Variants in CADM2 observed in about 807,000 individuals in gnomAD.
The protein encoded by CADM2 is cell adhesion molecule 2, also known as immunoglobulin superfamily member 4D.
In CADM2, 12 loss-of-function variants were observed where a neutral mutation model predicts 49.8. The observed-to-expected ratio is 0.24, with a 90% CI of 0.15 to 0.39. The LOEUF (loss-of-function observed/expected upper bound fraction) is 0.39, where lower values mean the gene tolerates loss of function less well. Among genes scored for constraint, CADM2 ranks in the 10% least tolerant of loss-of-function variants. The pLI, the probability that CADM2 is intolerant of heterozygous loss-of-function variation, is 1.00. For synonymous variants in CADM2, 214 were observed against 175.4 expected (o/e 1.22, Z -1.74); for missense variants, 378 against 492.3 (o/e 0.77, Z 2.20).
chr3:85,922,741 A>G (rs1577672874), intron 6 of CADM2, among the ~76,000 whole-genome samples: 1 of 152,256 alleles, frequency 6.6e-6, no homozygotes, highest in East Asian at 1.9e-4. Context: ...GAAGAATACA[A>G]TATCTTTATT....
At chr3:85,981,435 G>T (rs1016852743) in intron 8 of CADM2, among the ~76,000 whole-genome samples, 1 of 151,442 alleles carries the variant, frequency 6.6e-6, no homozygotes, top group African/African-American at 2.4e-5. Flanking sequence ...GGGATTTGGT[G>T]TACAAATTAT....
At chr3:84,977,441 A>G (rs1371417484) in intron 1 of CADM2, among the ~76,000 whole-genome samples, 10 of 152,050 alleles carry the variant, frequency 6.6e-5, no homozygotes, top group Non-Finnish European at 5.9e-5. Context: ...TGGGGAATCT[A>G]TCTTACCACA....
intron 8 of CADM2, chr3:86,013,587 A>C: frequency 6.2e-7 from 1 of 1,600,598 alleles, no homozygotes; most frequent in Non-Finnish European, 8.5e-7. Context: ...TCGAGAAGAA[A>C]CTCTCAGGGA....
intron 5 of CADM2, among the ~76,000 whole-genome samples, chr3:85,902,138 T>C (rs369436590): frequency 1.3e-5 from 2 of 152,092 alleles, no homozygotes; most frequent in South Asian, 4.1e-4. Context: ...TTCTCTTGAG[T>C]ATATTCCTGA....
intron 1 of CADM2, among the ~76,000 whole-genome samples, chr3:85,594,424 T>C (rs2063188785): frequency 6.6e-6 from 1 of 151,982 alleles, no homozygotes. Flanking sequence ...AAAATATAAT[T>C]ATATTTTTCA....
At chr3:85,030,096 G>A (rs573314486) in intron 1 of CADM2, among the ~76,000 whole-genome samples, 7 of 152,184 alleles carry the variant, frequency 4.6e-5, no homozygotes, top group South Asian at 4.2e-4. Context: ...GGACGTAATC[G>A]TTTCCAGAAC....
intron 1 of CADM2, among the ~76,000 whole-genome samples, chr3:85,205,092 AC>A (rs2041599719): frequency 6.7e-6 from 1 of 149,252 alleles, no homozygotes. Flanking sequence ...ATCGTGGCTC[AC>A]TGCAGCCTCC....
intron 1 of CADM2, among the ~76,000 whole-genome samples, chr3:85,502,876 C>A (rs1239317898): frequency 6.6e-6 from 1 of 152,062 alleles, no homozygotes; most frequent in Non-Finnish European, 1.5e-5. Flanking sequence ...GAAAGTATTT[C>A]TTCTATTCCC....
intron 3 of CADM2, 86 bp downstream of exon 3, chr3:85,802,282 T>C: frequency 8.3e-7 from 1 of 1,206,344 alleles, no homozygotes; most frequent in Non-Finnish European, 1.1e-6. Context: ...TGATTCAAAC[T>C]ATTCCTTTTG....
intron 1 of CADM2, among the ~76,000 whole-genome samples, chr3:85,001,239 T>A (rs933142854): frequency 1.3e-5 from 2 of 152,062 alleles, no homozygotes; most frequent in African/African-American, 4.8e-5. Flanking sequence ...TCTCTAGAGA[T>A]ATTCATATTT....
In CADM2 at chr3:85,719,859, C is replaced by T. The variant is rs550009273; in HGVS notation, c.62-6663C>T. On this transcript the variant is annotated intron_variant, in intron 1 of 9. Coordinates refer to ENST00000383699, the MANE Select transcript of CADM2 (RefSeq NM_001167675.2). Reference sequence around the variant, plus strand: ...CAAAAATTTCAAACACATACAAAAACAGGAAGAAAATATACTAAACATTGT... The same window carrying T: ...CAAAAATTTCAAACACATACAAAAATAGGAAGAAAATATACTAAACATTGT... Among the ~76,000 whole-genome samples, 69 of 151,756 alleles carry T rather than the reference C, an allele frequency of 4.5e-4. 1 individual carries two copies. Among genetic ancestry groups the T allele is most frequent in the African/African-American group, 1.6e-3 (67 of 41,372 alleles).
chr3:86,012,532 G>C (rs1042385283), intron 8 of CADM2: 1 of 1,396,286 alleles, frequency 7.2e-7, no homozygotes, highest in African/African-American at 1.5e-5. Context: ...CGGGAGCGGA[G>C]GGCTGGGCCA....
chr3:85,272,450 A>G (rs2043263878), intron 1 of CADM2, among the ~76,000 whole-genome samples: 3 of 151,312 alleles, frequency 2.0e-5, no homozygotes, highest in Admixed American at 1.3e-4. Context: ...GGTTATTGTT[A>G]AGAGAAAAGG....
At chr3:85,823,245 G>A (rs112377245) in intron 3 of CADM2, among the ~76,000 whole-genome samples, 28 of 152,230 alleles carry the variant, frequency 1.8e-4, no homozygotes, top group African/African-American at 6.7e-4. Flanking sequence ...TGTATTTAAT[G>A]AATTAGCTTT....
chr3:85,447,594 C>T (rs1480536952), intron 1 of CADM2, among the ~76,000 whole-genome samples: 1 of 152,114 alleles, frequency 6.6e-6, no homozygotes, highest in Non-Finnish European at 1.5e-5. Flanking sequence ...CTACAGCACA[C>T]GTTGTGGCTA....
chr3:85,246,190 G>A (rs555083383), intron 1 of CADM2, among the ~76,000 whole-genome samples: 2 of 152,072 alleles, frequency 1.3e-5, no homozygotes, highest in East Asian at 1.9e-4. Flanking sequence ...GCAAACTATC[G>A]CAAGAACAAA....
intron 1 of CADM2, among the ~76,000 whole-genome samples, chr3:85,105,240 A>C (rs1196579670): frequency 1.3e-5 from 2 of 152,282 alleles, no homozygotes; most frequent in African/African-American, 4.8e-5. Context: ...AACTCAAACA[A>C]ATTTACAAGG....
intron 1 of CADM2, among the ~76,000 whole-genome samples, chr3:85,428,063 G>A (rs1016004589): frequency 9.9e-5 from 15 of 151,622 alleles, no homozygotes; most frequent in African/African-American, 3.6e-4. Flanking sequence ...TTCCATAAAT[G>A]ACTACTAAGT....
intron 1 of CADM2, among the ~76,000 whole-genome samples, chr3:85,687,562 A>G (rs926134295): frequency 6.6e-6 from 1 of 152,214 alleles, no homozygotes; most frequent in South Asian, 2.1e-4. Flanking sequence ...GAATGTATAC[A>G]TTTAGAAGGA....
Sources: allele counts gnomAD v4.1 joint callset (sites outside exome capture counted in the v4.1 genomes callset), GRCh38; gene constraint gnomAD v4.1.1; transcripts MANE v1.5; gene names NCBI Gene and HGNC (gene_info 2026-07-23, HGNC 2026-07-21).